UBE3B: variants seen among roughly 807,000 people sequenced by gnomAD.
UBE3B encodes the protein ubiquitin-protein ligase E3B.
UBE3B carries 80 observed loss-of-function variants against 132.3 expected under a neutral mutation model. The observed-to-expected ratio is 0.60, with a 90% confidence interval of 0.50 to 0.73. The LOEUF is 0.73. Among genes scored for constraint, UBE3B ranks in the 30% least tolerant of loss-of-function variants. UBE3B has a pLI of 0.00. For synonymous variants in UBE3B, 487 were observed against 520.4 expected (o/e 0.94, Z 0.87); for missense variants, 1,196 against 1,362.5 (o/e 0.88, Z 1.92).
chr12:109,521,074 A>G lies in UBE3B; in HGVS notation c.2077-74A>G. ...TAATGATGCTGGGAGAGCTTCGCAC[A>G]GAGGAGAGGGAACCCCGAATTGTGT... On this transcript the variant is annotated intron_variant, in intron 19 of 27. Transcript: ENST00000342494. The surrounding 1 kb of genome is among the most constrained non-coding windows in gnomAD (Gnocchi z 4.2). The G allele has an allele frequency of 7.7e-6, 12 of 1,551,196 alleles. No homozygotes were observed. The highest frequency in any genetic ancestry group is 1.1e-5 in the Non-Finnish European group (12 of 1,136,746).
chr12:109,533,981 T>C, intron 27 of UBE3B: 1 of 1,299,894 alleles, frequency 7.7e-7, no homozygotes, highest in Non-Finnish European at 1.0e-6. Context: ...CTTCATTTCC[T>C]CATTGGCCAA....
rs771722819 is a variant in UBE3B, at chr12:109,483,591, G to A, written c.40G>A (p.Asp14Asn). The stretch of plus-strand genomic sequence containing the variant: ...TCAGACCTCGAGAGCATGGTTCATC[G>A]ATAGAGCCCGTCAGGCACGAGAAGA... ...LSQTSRAWFI[D>N]RARQAREERL... Residue 14 changes from aspartate to asparagine, a missense_variant, in exon 3 of 28, where the codon GAT becomes AAT. Transcript: ENST00000342494. 2.8e-5 allele frequency: 45 copies of A among 1,609,142 alleles called. No individual in the cohort carries two copies. Among genetic ancestry groups the A allele is most frequent in the South Asian group, 5.5e-5 (5 of 90,258 alleles).
intron 6 of UBE3B, 68 bp downstream of exon 6, chr12:109,486,643 G>A (rs146809895): frequency 8.0e-7 from 1 of 1,242,894 alleles, no homozygotes; most frequent in East Asian, 2.4e-5. Context: ...TTCACCTGTA[G>A]ACTTTAGTCT....
Position 109,510,469 on chromosome 12 carries a change from G to T in UBE3B, c.1856+11G>T, listed in dbSNP as rs775500082. 6 of 1,600,410 alleles carry T rather than the reference G, an allele frequency of 3.7e-6. No individual in the cohort carries two copies. In the East Asian group the frequency reaches 1.3e-4, roughly 36 times the overall value. On this transcript the variant is annotated intron_variant, in intron 17 of 27. Coordinates refer to ENST00000342494, the MANE Select transcript of UBE3B (RefSeq NM_130466.4). ...CCACTGGCTGCGAAAGTGAGCTCCA[G>T]GGGTGAGGAGGGCTCCATGGAAGCC... is the stretch of plus-strand genomic sequence containing the variant.
At chr12:109,489,872 A>G (rs1877130139) in intron 7 of UBE3B, 47 bp from the exon 8 acceptor site, 2 of 1,558,514 alleles carry the variant, frequency 1.3e-6, no homozygotes, top group Middle Eastern at 3.4e-4. Flanking sequence ...TAAACAGGTC[A>G]CATTATGGCA....
intron 11 of UBE3B, 46 bp from the exon 12 acceptor site, chr12:109,499,587 A>C: frequency 6.7e-7 from 1 of 1,491,156 alleles, no homozygotes; most frequent in South Asian, 1.3e-5. Flanking sequence ...GGGAGGCACC[A>C]AAATGTTTGT....
Position 109,503,087 on chromosome 12 carries a change from T to G in UBE3B, c.1347T>G (p.Gly449=). ...SVRNILRPVG[G]KRVDSAEVQK... ...GGAATATTCTCAGGCCTGTCGGGGG[T>G]AAACGGGTCGACTCTGCAGAAGTCC... is the stretch of plus-strand genomic sequence containing the variant. Residue 449 remains glycine, a synonymous_variant, in exon 14 of 28, where the codon GGT becomes GGG. Transcript: ENST00000342494. 6.2e-7 allele frequency: 1 copy of G among 1,614,022 alleles called. No homozygotes were observed. The highest frequency in any genetic ancestry group is 8.5e-7 in the Non-Finnish European group (1 of 1,180,008).
Position 109,526,267 on chromosome 12 carries a change from A to G in UBE3B, c.2569-91A>G, listed in dbSNP as rs1031783298. ...GTGCCATCTTAATTCCATCATTATC[A>G]TGGATGTTTGTGCTGGGCCCTCTCA... On this transcript the variant is annotated intron_variant, in intron 23 of 27. Transcript: ENST00000342494. 20 of 1,279,538 alleles carry G rather than the reference A, an allele frequency of 1.6e-5. No homozygotes were observed. The Admixed American group carries it at 2.3e-4, about 15-fold the overall frequency. 79.3% of individuals were successfully genotyped at this position (1,279,538 alleles called of 1,614,324 possible). A position where few individuals can be genotyped will look rare whatever the true frequency, so the allele number is the denominator to read the frequency against.
chr12:109,499,594 T>C, intron 11 of UBE3B, 39 bp from the exon 12 acceptor site: 2 of 1,504,638 alleles, frequency 1.3e-6, no homozygotes, highest in East Asian at 2.5e-5. Flanking sequence ...ACCAAAATGT[T>C]TGTCTGGGCC....
chr12:109,502,770 G>A (rs540991838), intron 13 of UBE3B, among the ~76,000 whole-genome samples: 3 of 152,340 alleles, frequency 2.0e-5, no homozygotes, highest in African/African-American at 7.2e-5. Flanking sequence ...AGAATCCCAT[G>A]TAAGATTTGA....
Position 109,534,904 on chromosome 12 carries a change from A to G in UBE3B, c.*122A>G, listed in dbSNP as rs961367228. The stretch of plus-strand genomic sequence containing the variant: ...TGACATTGGCCCCTAGACCCTCTCT[A>G]TAGCCATGAGACTCCTTGTGGCCTC... On this transcript the variant is annotated 3_prime_UTR_variant, in exon 28 of 28. Transcript: ENST00000342494. The surrounding 1 kb of genome is among the most constrained non-coding windows in gnomAD (Gnocchi z 5.2). The G allele has an allele frequency of 3.8e-6, 3 of 794,264 alleles. No homozygotes were observed. The highest frequency in any genetic ancestry group is 2.7e-4 in the Middle Eastern group (1 of 3,734). The allele number at this position is 794,264 out of a possible 1,614,324, so 49.2% of individuals were successfully genotyped here.
Position 109,523,967 on chromosome 12 carries a change from T to G in UBE3B, c.2365-11T>G, listed in dbSNP as rs772113376. 1.2e-6 allele frequency: 2 copies of G among 1,613,588 alleles called. No homozygotes were observed. Among genetic ancestry groups the G allele is most frequent in the African/African-American group, 2.7e-5 (2 of 74,936 alleles). On this transcript the variant is annotated splice_polypyrimidine_tract_variant and intron_variant, in intron 21 of 27. Transcript: ENST00000342494. ...TGGCTGATGGACAGCTCTGCTTCTC[T>G]GCTCTCCCAGGGAATTGTGGTGGAC...
At position 109,483,918 on chromosome 12, in the gene UBE3B, A is replaced by C. The variant is rs113987841; in HGVS notation, c.219A>C (p.Ala73=). ...ACCCTGAGTCCACTAAAAGAAGTGCACTTTGTATTTTCAAGATTGCCAGGA... is the reference window on the plus strand; with the variant it reads ...ACCCTGAGTCCACTAAAAGAAGTGCCCTTTGTATTTTCAAGATTGCCAGGA... The part of the protein sequence containing the change: ...ADDPESTKRS[A]LCIFKIARKL... The change falls in exon 4 of 28, where the codon GCA becomes GCC. Residue 73 remains alanine, a synonymous_variant. Transcript: ENST00000342494. The C allele has an allele frequency of 3.3e-3, 5,287 of 1,614,092 alleles. 75 individuals carry two copies. In the African/African-American group the frequency reaches 0.038, roughly 11 times the overall value.
downstream of UBE3B, among the ~76,000 whole-genome samples, chr12:109,541,073 C>T (rs754271889): frequency 8.5e-5 from 13 of 152,238 alleles, no homozygotes; most frequent in Non-Finnish European, 1.8e-4. Flanking sequence ...CCTTGCGCTC[C>T]TGGGGCCTCT....
chr12:109,530,502 G>A lies in UBE3B; in HGVS notation c.2811-45G>A, dbSNP rs945849066. ...ATGACCTGCCTGCCTGTCCATAAGT[G>A]CCCACGCTAGCACATTGCTGAGCCC... On this transcript the variant is annotated intron_variant, in intron 25 of 27. Coordinates refer to ENST00000342494, the MANE Select transcript of UBE3B (RefSeq NM_130466.4). The A allele has an allele frequency of 2.6e-6, 4 of 1,563,372 alleles. No homozygotes were observed. The African/African-American group carries it at 4.1e-5, about 16-fold the overall frequency.
chr12:109,534,468 C>T lies in UBE3B; in HGVS notation c.3016-123C>T. The T allele has an allele frequency of 2.0e-6, 3 of 1,469,204 alleles. No individual in the cohort carries two copies. The highest frequency in any genetic ancestry group is 2.7e-6 in the Non-Finnish European group (3 of 1,112,674). The allele number at this position is 1,469,204 out of a possible 1,614,324, so 91.0% of individuals were successfully genotyped here. ...TCGGGTAGTGGTGCCAGGGCAGCGCCCTGCACTCTGCCCAGCATCCAGGGA... is the reference window on the plus strand; with the variant it reads ...TCGGGTAGTGGTGCCAGGGCAGCGCTCTGCACTCTGCCCAGCATCCAGGGA... On this transcript the variant is annotated intron_variant, in intron 27 of 27. Transcript: ENST00000342494. The surrounding 1 kb of genome is among the most constrained non-coding windows in gnomAD (Gnocchi z 5.2).
chr12:109,483,504 A>G (rs769829361), intron 2 of UBE3B, 27 bp from the exon 3 acceptor site: 8 of 1,522,832 alleles, frequency 5.3e-6, no homozygotes, highest in African/African-American at 1.4e-5. Flanking sequence ...ACAATCTACA[A>G]CACCCACTTG....
chr12:109,521,555 G>C lies in UBE3B; in HGVS notation c.2364+4G>C. 6.4e-7 allele frequency: 1 copy of C among 1,556,150 alleles called. No homozygotes were observed. Among genetic ancestry groups the C allele is most frequent in the South Asian group, 1.2e-5 (1 of 83,078 alleles). On this transcript the variant is annotated splice_donor_region_variant and intron_variant, in intron 21 of 27. Transcript: ENST00000342494. The surrounding 1 kb of genome is among the most constrained non-coding windows in gnomAD (Gnocchi z 4.2). The stretch of plus-strand genomic sequence containing the variant: ...GCTGGGGAAGGCTGTGTATGAGGTA[G>C]GAACGTTAAGAAACAGAGAAATGTA...
In UBE3B at chr12:109,484,101, G is replaced by C. The variant is rs191152653; in HGVS notation, c.282+120G>C. On this transcript the variant is annotated intron_variant, in intron 4 of 27. Transcript: ENST00000342494. ...GTAATTACTGTCACCCTCACATCCT[G>C]TCCCTTTTGTTTTCTTGGGACCTGT... 3,964 of 1,104,308 alleles carry C rather than the reference G, an allele frequency of 3.6e-3. 9 individuals carry two copies. The highest frequency in any genetic ancestry group is 4.3e-3 in the Non-Finnish European group (3,461 of 802,404). The allele number at this position is 1,104,308 out of a possible 1,614,324, so 68.4% of individuals were successfully genotyped here.
Sources: allele counts gnomAD v4.1 joint callset (sites outside exome capture counted in the v4.1 genomes callset), GRCh38; gene constraint gnomAD v4.1.1; non-coding constraint Gnocchi (gnomAD v3.1); transcripts MANE v1.5; gene names NCBI Gene and HGNC (gene_info 2026-07-23, HGNC 2026-07-21).